The following AGBL4 variants were observed in gnomAD, a reference collection of about 807,000 sequenced individuals.
AGBL4 encodes the protein cytosolic carboxypeptidase 6.
Under a neutral mutation model 66.4 loss-of-function variants are expected in AGBL4, and 58 were observed. That is an observed-to-expected ratio of 0.87 (90% confidence interval 0.71 to 1.09). The LOEUF (loss-of-function observed/expected upper bound fraction) is 1.09, where lower values mean the gene tolerates loss of function less well. Ranked by LOEUF, AGBL4 falls within the 50% of genes least tolerant of loss-of-function variation. The pLI is 0.00. For missense variants in AGBL4, 579 were observed against 631.0 expected (o/e 0.92, Z 0.88); for synonymous variants, 234 against 222.9 (o/e 1.05, Z -0.44).
chr1:48,827,995 TACACACACACACACACACACAC>T (rs375257744), intron 6 of AGBL4, among the ~76,000 whole-genome samples: 6 of 116,954 alleles, frequency 5.1e-5, no homozygotes, highest in African/African-American at 9.7e-5. Flanking sequence ...CTACTAAAAA[TACACACACACACACACACACAC>T]ACACACACAC....
At chr1:49,374,582 G>T (rs1229167098) in intron 3 of AGBL4, among the ~76,000 whole-genome samples, 1 of 152,078 alleles carries the variant, frequency 6.6e-6, no homozygotes, top group Non-Finnish European at 1.5e-5. Context: ...CTATAATTTG[G>T]AATGTAAGAC....
intron 6 of AGBL4, among the ~76,000 whole-genome samples, chr1:48,804,423 T>C (rs1476512540): frequency 6.6e-6 from 1 of 152,162 alleles, no homozygotes; most frequent in Non-Finnish European, 1.5e-5. Flanking sequence ...CTGGGAGTGG[T>C]CAAAGAAATG....
intron 6 of AGBL4, among the ~76,000 whole-genome samples, chr1:48,786,064 AAGG>A (rs1645400790): frequency 6.6e-6 from 1 of 152,196 alleles, no homozygotes; most frequent in African/African-American, 2.4e-5. Context: ...CAAAGGCATA[AAGG>A]AGAACATTCG....
intron 9 of AGBL4, among the ~76,000 whole-genome samples, chr1:48,632,411 T>G (rs1230100721): frequency 6.6e-6 from 1 of 152,198 alleles, no homozygotes; most frequent in Non-Finnish European, 1.5e-5. Flanking sequence ...AATCAATAAT[T>G]AATGACAGCA....
At chr1:49,779,585 G>A (rs565788963) in intron 2 of AGBL4, among the ~76,000 whole-genome samples, 5 of 152,116 alleles carry the variant, frequency 3.3e-5, no homozygotes, top group Non-Finnish European at 7.4e-5. Context: ...CCAATAAGGA[G>A]GTCTCTGGAT....
intron 3 of AGBL4, among the ~76,000 whole-genome samples, chr1:49,603,017 T>C (rs918839624): frequency 5.9e-5 from 9 of 152,072 alleles, no homozygotes; most frequent in Non-Finnish European, 1.2e-4. Context: ...TTTTATAAAT[T>C]AGGAATTGGA....
intron 11 of AGBL4, among the ~76,000 whole-genome samples, chr1:48,565,418 G>A (rs1407427966): frequency 1.3e-5 from 2 of 152,178 alleles, no homozygotes; most frequent in African/African-American, 4.8e-5. Flanking sequence ...GACATTCTGT[G>A]TATTTCCAGA....
intron 2 of AGBL4, among the ~76,000 whole-genome samples, chr1:49,748,899 G>C (rs912918444): frequency 6.6e-6 from 1 of 151,984 alleles, no homozygotes; most frequent in African/African-American, 2.4e-5. Context: ...TGTAGATTCT[G>C]GATATTAGCC....
intron 6 of AGBL4, among the ~76,000 whole-genome samples, chr1:48,794,250 C>T (rs1313577589): frequency 6.6e-6 from 1 of 152,188 alleles, no homozygotes; most frequent in Non-Finnish European, 1.5e-5. Context: ...GGAGCACCTG[C>T]CCCATTCCAG....
intron 2 of AGBL4, among the ~76,000 whole-genome samples, chr1:49,820,637 C>T (rs990052971): frequency 1.1e-4 from 17 of 152,130 alleles, no homozygotes; most frequent in Non-Finnish European, 2.2e-4. Context: ...TTCCTATCTA[C>T]TCAACTCAAA....
intron 5 of AGBL4, among the ~76,000 whole-genome samples, chr1:49,006,134 A>G (rs1418495112): frequency 9.2e-5 from 14 of 152,116 alleles, no homozygotes; most frequent in Admixed American, 9.2e-4. Context: ...CTCACTAGGG[A>G]GTGCCAGACA....
At chr1:48,589,621 G>A (rs990613643) in intron 10 of AGBL4, among the ~76,000 whole-genome samples, 5 of 152,166 alleles carry the variant, frequency 3.3e-5, no homozygotes, top group African/African-American at 1.2e-4. Context: ...AGCCTCTCTA[G>A]TTCTCAGCAT....
intron 6 of AGBL4, among the ~76,000 whole-genome samples, chr1:48,731,958 G>C (rs1035478334): frequency 2.0e-5 from 3 of 152,182 alleles, no homozygotes; most frequent in Non-Finnish European, 4.4e-5. Context: ...CAGAGTAATG[G>C]AGGGGAGAAA....
chr1:48,558,910 C>T (rs1270168686), intron 11 of AGBL4, among the ~76,000 whole-genome samples: 2 of 152,156 alleles, frequency 1.3e-5, no homozygotes, highest in African/African-American at 4.8e-5. Flanking sequence ...TTTCATCACA[C>T]CTCTTAATTT....
chr1:49,707,743 G>C (rs1314798067), intron 2 of AGBL4, among the ~76,000 whole-genome samples: 4 of 152,074 alleles, frequency 2.6e-5, no homozygotes, highest in Admixed American at 2.6e-4. Context: ...TGTATGGCAG[G>C]CCTGGTGGTG....
In AGBL4 at chr1:49,696,792, C is replaced by T. The variant is rs182602509; in HGVS notation, c.282+521G>A. On this transcript the variant is annotated intron_variant, in intron 3 of 13. Coordinates refer to ENST00000371839, the MANE Select transcript of AGBL4 (RefSeq NM_032785.4). ...CAAGCAAAAATATTTTCCAGAATCACTAGAGAGGGCTGTAAATATGGTTCC... is the reference window on the plus strand; with the variant it reads ...CAAGCAAAAATATTTTCCAGAATCATTAGAGAGGGCTGTAAATATGGTTCC... Among the ~76,000 whole-genome samples, 432 of 152,168 alleles carry T rather than the reference C, an allele frequency of 2.8e-3. 3 individuals carry two copies. The highest frequency in any genetic ancestry group is 9.9e-3 in the African/African-American group (410 of 41,530).
rs1197780312 is a variant in AGBL4 at position 49,851,477 on chromosome 1, T to C, written c.76A>G (p.Ser26Gly). The C allele has an allele frequency of 2.6e-6, 4 of 1,550,316 alleles. No homozygotes were observed. Among genetic ancestry groups the C allele is most frequent in the African/African-American group, 2.7e-5 (2 of 73,116 alleles). The change falls in exon 2 of 14, where the codon AGC (serine) becomes GGC (glycine). Residue 26 changes from serine (S) to glycine (G), a missense_variant. Transcript: ENST00000371839. ...CCAGTTGGAAGCACTATATATTTGCTCACATTCCCTCCAATGGCATCATCA... is the reference window on the plus strand; with the variant it reads ...CCAGTTGGAAGCACTATATATTTGCCCACATTCCCTCCAATGGCATCATCA... ...GNDDAIGGNV[S>G]KYIVLPTGYC...
rs1441464323 is a variant in AGBL4, at chr1:49,946,170, C to CA, written c.34+77592dup. On this transcript the variant is annotated intron_variant, in intron 1 of 13. Coordinates refer to ENST00000371839, the MANE Select transcript of AGBL4 (RefSeq NM_032785.4). ...GGTCAAGACAGAAAGTCAACAACAA[C>CA]AATAAAAAAAATTTAAACTACACCC... Among the ~76,000 whole-genome samples, 11 of 134,724 alleles carry CA rather than the reference C, an allele frequency of 8.2e-5. No homozygotes were observed. The East Asian group carries it at 1.2e-3, about 15-fold the overall frequency. 88.4% of individuals were successfully genotyped at this position (134,724 alleles called of 152,430 possible).
At chr1:49,596,751 A>C (rs911224821) in intron 3 of AGBL4, among the ~76,000 whole-genome samples, 4 of 152,228 alleles carry the variant, frequency 2.6e-5, no homozygotes, top group Admixed American at 2.0e-4. Context: ...TCAGGTAAAT[A>C]GGGTATCAAT....
Sources: allele counts gnomAD v4.1 joint callset (sites outside exome capture counted in the v4.1 genomes callset), GRCh38; gene constraint gnomAD v4.1.1; transcripts MANE v1.5; gene names NCBI Gene and HGNC (gene_info 2026-07-23, HGNC 2026-07-21).